The following SF3A3 variants were observed in gnomAD, a reference collection of about 807,000 sequenced individuals.
The protein encoded by SF3A3 is SAP 61.
SF3A3 carries 9 observed loss-of-function variants against 85.8 expected under a neutral mutation model. That is an observed-to-expected ratio of 0.10 (90% CI 0.06 to 0.18). SF3A3 has a LOEUF of 0.18. Among genes scored for constraint, SF3A3 ranks in the 10% least tolerant of loss-of-function variants. SF3A3 has a pLI of 1.00. For missense variants in SF3A3, 306 were observed against 593.3 expected (o/e 0.52, Z 5.03); for synonymous variants, 195 against 204.4 (o/e 0.95, Z 0.39).
intron 12 of SF3A3, among the ~76,000 whole-genome samples, chr1:37,976,280 A>T (rs1646379388): frequency 6.6e-6 from 1 of 152,030 alleles, no homozygotes; most frequent in African/African-American, 2.4e-5. Context: ...TTCTTCCTGG[A>T]AAGAGATTTC....
chr1:37,987,405 T>C (rs1306802566), intron 4 of SF3A3, among the ~76,000 whole-genome samples, 168 bp downstream of exon 4: 3 of 152,312 alleles, frequency 2.0e-5, no homozygotes, highest in East Asian at 1.9e-4. Flanking sequence ...CTGAGGGAGA[T>C]ACTGAAAACA....
chr1:37,980,490 T>C, intron 8 of SF3A3, 96 bp downstream of exon 8: 1 of 1,295,232 alleles, frequency 7.7e-7, no homozygotes, highest in Non-Finnish European at 1.1e-6. Context: ...ACCAAGGAAT[T>C]GATACCTAAT....
intron 16 of SF3A3, among the ~76,000 whole-genome samples, chr1:37,959,179 A>G (rs1285407330): frequency 1.3e-5 from 2 of 151,290 alleles, no homozygotes; most frequent in Non-Finnish European, 2.9e-5. Flanking sequence ...CCTGGGCTCA[A>G]GCAATCCTCC....
intron 15 of SF3A3, among the ~76,000 whole-genome samples, chr1:37,967,604 G>A (rs556560440): frequency 7.5e-6 from 1 of 133,586 alleles, no homozygotes; most frequent in East Asian, 2.6e-4. Flanking sequence ...CATGAACCCA[G>A]GAGGTGGAAC....
At chr1:37,971,042 C>A (rs2148718704) in intron 12 of SF3A3, among the ~76,000 whole-genome samples, 1 of 151,854 alleles carries the variant, frequency 6.6e-6, no homozygotes, top group Non-Finnish European at 1.5e-5. Context: ...CACAAAAAAA[C>A]CCTTCAAAAA....
chr1:37,972,798 G>A (rs1315388635), intron 12 of SF3A3, among the ~76,000 whole-genome samples: 1 of 152,206 alleles, frequency 6.6e-6, no homozygotes, highest in Non-Finnish European at 1.5e-5. Flanking sequence ...AATAAATGGT[G>A]CTGGGAAAAC....
intron 15 of SF3A3, among the ~76,000 whole-genome samples, chr1:37,963,993 G>A (rs1476144785): frequency 1.3e-5 from 2 of 150,496 alleles, no homozygotes; most frequent in South Asian, 2.1e-4. Flanking sequence ...ATCTTGGCCA[G>A]CATGGTGAAA....
chr1:37,983,904 TC>T, intron 6 of SF3A3, among the ~76,000 whole-genome samples: 1 of 151,800 alleles, frequency 6.6e-6, no homozygotes, highest in Non-Finnish European at 1.5e-5. Flanking sequence ...ACCACTGCAC[TC>T]CAGACTGGGC....
intron 15 of SF3A3, among the ~76,000 whole-genome samples, chr1:37,961,513 G>A (rs1646257529): frequency 6.6e-6 from 1 of 151,698 alleles, no homozygotes; most frequent in Non-Finnish European, 1.5e-5. Flanking sequence ...GAACCTGGGA[G>A]GTGGAGGTTG....
intron 16 of SF3A3, among the ~76,000 whole-genome samples, chr1:37,958,621 G>A (rs1646235859): frequency 6.6e-6 from 1 of 152,212 alleles, no homozygotes; most frequent in African/African-American, 2.4e-5. Flanking sequence ...TGGTTCCCAA[G>A]AATCCCAGGA....
chr1:37,982,476 T>C (rs1172281608), intron 6 of SF3A3, among the ~76,000 whole-genome samples: 3 of 151,928 alleles, frequency 2.0e-5, no homozygotes, highest in African/African-American at 7.3e-5. Context: ...GTTCAAGCGA[T>C]TCTCCTGCCT....
intron 15 of SF3A3, among the ~76,000 whole-genome samples, chr1:37,962,913 C>A (rs1364304242): frequency 6.6e-6 from 1 of 151,776 alleles, no homozygotes; most frequent in African/African-American, 2.4e-5. Context: ...AAGTGAAACC[C>A]CACCTCTACT....
intron 15 of SF3A3, among the ~76,000 whole-genome samples, chr1:37,962,066 A>G (rs2148714582): frequency 6.8e-6 from 1 of 147,594 alleles, no homozygotes; most frequent in East Asian, 2.0e-4. Context: ...CCTGGGCAAC[A>G]AGAGCGAAAC....
Position 37,984,269 on chromosome 1 carries a change from A to C in SF3A3, c.377-9T>G. The C allele has an allele frequency of 6.8e-7, 1 of 1,466,272 alleles. No homozygotes were observed. Among genetic ancestry groups the C allele is most frequent in the Non-Finnish European group, 9.5e-7 (1 of 1,048,998 alleles). 90.8% of individuals were successfully genotyped at this position (1,466,272 alleles called of 1,614,324 possible). A position where few individuals can be genotyped will look rare whatever the true frequency, so the allele number is the denominator to read the frequency against. ...TGTGAACTCCACCAAGTCTGAGGGA[A>C]TCAGATACATCAATGATTCAGTTTC... On this transcript the variant is annotated splice_polypyrimidine_tract_variant and intron_variant, in intron 5 of 16. Transcript: ENST00000373019.
At position 37,978,838 on chromosome 1, in the gene SF3A3, A is replaced by G. The variant is rs1646397521; in HGVS notation, c.828-11T>C. ...CGCTCTTCTAGGGTCCTAAGGAGAC[A>G]GGACGGCAAAGGATTTTAGGGTTAC... On this transcript the variant is annotated splice_polypyrimidine_tract_variant and intron_variant, in intron 10 of 16. Coordinates refer to ENST00000373019, the MANE Select transcript of SF3A3 (RefSeq NM_006802.4). 2 of 1,568,992 alleles carry G rather than the reference A, an allele frequency of 1.3e-6. No homozygotes were observed. The highest frequency in any genetic ancestry group is 8.7e-7 in the Non-Finnish European group (1 of 1,153,028).
At chr1:37,975,883 G>A (rs746591443) in intron 12 of SF3A3, among the ~76,000 whole-genome samples, 3 of 152,188 alleles carry the variant, frequency 2.0e-5, no homozygotes, top group Non-Finnish European at 2.9e-5. Context: ...TGGGCTGGGC[G>A]CGGTGGCTCA....
intron 11 of SF3A3, among the ~76,000 whole-genome samples, chr1:37,978,329 A>G (rs1646393882): frequency 6.7e-6 from 1 of 150,298 alleles, no homozygotes. Flanking sequence ...ACAGAGTGAG[A>G]CTGTCTCAAA....
chr1:37,983,586 C>CAAAAAAAAAAAAAAAAAAAAAAAAAA (rs371317065), intron 6 of SF3A3, among the ~76,000 whole-genome samples: 2 of 38,472 alleles, frequency 5.2e-5, no homozygotes, highest in Non-Finnish European at 7.7e-5. Flanking sequence ...GACCCTGTCT[C>CAAAAAAAAAAAAAAAAAAAAAAAAAA]AAAAAAAAAA....
chr1:37,989,901 A>G lies in SF3A3; in HGVS notation c.65T>C (p.Met22Thr). The G allele has an allele frequency of 1.2e-6, 2 of 1,613,750 alleles. No homozygotes were observed. The highest frequency in any genetic ancestry group is 1.7e-6 in the Non-Finnish European group (2 of 1,179,880). The part of the protein sequence containing the change: ...HEEKERLMDV[M>T]AKEMLTKKST... ...CTTCTTGGTGAGCATCTCTTTAGCCATGACGTCCATGAGCCGTTCCTTCTC... is the reference window on the plus strand; with the variant it reads ...CTTCTTGGTGAGCATCTCTTTAGCCGTGACGTCCATGAGCCGTTCCTTCTC... Residue 22 changes from methionine (M) to threonine (T), a missense_variant, in exon 1 of 17, where the codon ATG becomes ACG. Around this residue, in one of 4 missense-constraint regions of SF3A3, gnomAD observed 152 missense variants for 192.0 expected, o/e 0.79. Transcript: ENST00000373019.
Sources: allele counts gnomAD v4.1 joint callset (sites outside exome capture counted in the v4.1 genomes callset), GRCh38; gene constraint gnomAD v4.1.1; regional missense constraint gnomAD v4.1.1; transcripts MANE v1.5; gene names NCBI Gene and HGNC (gene_info 2026-07-23, HGNC 2026-07-21).